The following PPA2 variants were observed in gnomAD, a reference collection of about 807,000 sequenced individuals.
PPA2 encodes the protein inorganic pyrophosphatase 2, mitochondrial.
PPA2 carries 48 observed loss-of-function variants against 49.5 expected under a neutral mutation model. The ratio of observed to expected loss-of-function variants is 0.97; its 90% CI spans 0.77 to 1.23. The LOEUF is 1.23. Among genes scored for constraint, PPA2 ranks in the 50% most tolerant of loss-of-function variants. PPA2 has a pLI of 0.00. For missense variants in PPA2, 429 were observed against 410.1 expected (o/e 1.05, Z -0.40); for synonymous variants, 131 against 139.9 (o/e 0.94, Z 0.45).
At chr4:105,429,804 C>T (rs952559251) in intron 6 of PPA2, among the ~76,000 whole-genome samples, 1 of 152,120 alleles carries the variant, frequency 6.6e-6, no homozygotes, top group Non-Finnish European at 1.5e-5. Context: ...TAACAAACCA[C>T]ATTTATCGGT....
At chr4:105,408,001 C>A (rs1722563499) in intron 7 of PPA2, among the ~76,000 whole-genome samples, 1 of 151,942 alleles carries the variant, frequency 6.6e-6, no homozygotes, top group African/African-American at 2.4e-5. Context: ...TAATTTATAC[C>A]TCAAAGTGGG....
At chr4:105,444,915 AAAGAT>A (rs1403309563) in intron 5 of PPA2, among the ~76,000 whole-genome samples, 1 of 152,136 alleles carries the variant, frequency 6.6e-6, no homozygotes, top group Non-Finnish European at 1.5e-5. Context: ...ATCTCAACAC[AAAGAT>A]AAGAAGTAGA....
chr4:105,471,337 C>T lies in PPA2; in HGVS notation c.157+2557G>A, dbSNP rs139040142. On this transcript the variant is annotated intron_variant, in intron 1 of 11. Transcript: ENST00000341695. The stretch of plus-strand genomic sequence containing the variant: ...CCTTTCCCCTAATCATCCTGTCTCA[C>T]TCTTTCTACAAAGTTTAACACCAAT... Among the ~76,000 whole-genome samples the T allele has an allele frequency of 1.8e-3, 270 of 152,326 alleles. 2 individuals carry two copies. Among genetic ancestry groups the T allele is most frequent in the Non-Finnish European group, 2.7e-3 (186 of 68,030 alleles).
intron 6 of PPA2, among the ~76,000 whole-genome samples, chr4:105,432,089 T>C (rs1326855694): frequency 6.6e-6 from 1 of 152,244 alleles, no homozygotes; most frequent in African/African-American, 2.4e-5. Context: ...TTTATGTGAA[T>C]TGTACCTCAA....
chr4:105,459,750 T>G (rs912220636), intron 1 of PPA2, among the ~76,000 whole-genome samples: 1 of 152,236 alleles, frequency 6.6e-6, no homozygotes, highest in Non-Finnish European at 1.5e-5. Flanking sequence ...TAAAAAGGAA[T>G]GCACTATTGA....
At chr4:105,466,047 C>A (rs59758094) in intron 1 of PPA2, among the ~76,000 whole-genome samples, 1 of 151,950 alleles carries the variant, frequency 6.6e-6, no homozygotes, top group Non-Finnish European at 1.5e-5. Flanking sequence ...AGGACTGCTG[C>A]AAGAAACTAC....
At chr4:105,407,741 T>C (rs769681499) in intron 7 of PPA2, among the ~76,000 whole-genome samples, 2 of 152,214 alleles carry the variant, frequency 1.3e-5, no homozygotes, top group Admixed American at 6.5e-5. Context: ...TACCCAGCCA[T>C]GTGAATAATC....
chr4:105,449,339 T>C lies in PPA2; in HGVS notation c.321+11A>G, dbSNP rs909405783. On this transcript the variant is annotated intron_variant, in intron 4 of 11. Transcript: ENST00000341695. ...TCATTTCGGTTTCATATTAATAAAG[T>C]ATATCGGTACCTCCATTTTAGCATT... 5.9e-6 allele frequency: 9 copies of C among 1,521,964 alleles called. No homozygotes were observed. The East Asian group carries it at 1.4e-4, about 23-fold the overall frequency. 94.3% of individuals were successfully genotyped at this position (1,521,964 alleles called of 1,614,324 possible). A position where few individuals can be genotyped will look rare whatever the true frequency, so the allele number is the denominator to read the frequency against.
rs558356365 is a variant in PPA2, at chr4:105,462,562, T to C, written c.158-5817A>G. On this transcript the variant is annotated intron_variant, in intron 1 of 11. Coordinates refer to ENST00000341695, the MANE Select transcript of PPA2 (RefSeq NM_176869.3). ...AGTTTTTGTTTATCAATTGTAGAAATTACCTACTGATTCCAATTCTGAGAG... is the reference window on the plus strand; with the variant it reads ...AGTTTTTGTTTATCAATTGTAGAAACTACCTACTGATTCCAATTCTGAGAG... 1.4e-4 allele frequency among the ~76,000 whole-genome samples: 21 copies of C among 152,338 alleles called. No individual in the cohort carries two copies. In the South Asian group the frequency reaches 1.7e-3, roughly 12 times the overall value.
intron 6 of PPA2, among the ~76,000 whole-genome samples, chr4:105,429,812 G>A (rs145326325): frequency 2.2e-4 from 33 of 152,130 alleles, no homozygotes; most frequent in African/African-American, 7.0e-4. Context: ...CACATTTATC[G>A]GTTACTAGTG....
At chr4:105,419,199 C>G (rs904124274) in intron 7 of PPA2, among the ~76,000 whole-genome samples, 2 of 152,052 alleles carry the variant, frequency 1.3e-5, no homozygotes, top group Non-Finnish European at 2.9e-5. Flanking sequence ...GGTACATATG[C>G]ACAATGTGCA....
At chr4:105,456,378 T>C in intron 2 of PPA2, 1 of 432,536 alleles carries the variant, frequency 2.3e-6, no homozygotes, top group East Asian at 5.9e-5. Flanking sequence ...CCACAAACGT[T>C]AGCTGATTAT....
intron 1 of PPA2, among the ~76,000 whole-genome samples, chr4:105,457,646 T>G (rs926680687): frequency 2.0e-5 from 3 of 152,122 alleles, no homozygotes; most frequent in African/African-American, 7.2e-5. Context: ...TGATCATGGC[T>G]CACTGCAGCC....
chr4:105,473,577 G>A (rs533565752), intron 1 of PPA2: 1 of 556,652 alleles, frequency 1.8e-6, no homozygotes, highest in Non-Finnish European at 3.4e-6. Context: ...AGGCCGCCGC[G>A]GGGTGGCCGC....
intron 7 of PPA2, among the ~76,000 whole-genome samples, chr4:105,400,703 A>G (rs1327605552): frequency 6.6e-6 from 1 of 152,172 alleles, no homozygotes; most frequent in Non-Finnish European, 1.5e-5. Flanking sequence ...CTTCCACTGT[A>G]TATAACTTTT....
intron 6 of PPA2, among the ~76,000 whole-genome samples, chr4:105,435,501 A>G (rs1305039129): frequency 6.6e-6 from 1 of 152,120 alleles, no homozygotes; most frequent in Non-Finnish European, 1.5e-5. Context: ...GATTCATAAA[A>G]AAACTACTAC....
intron 1 of PPA2, 76 bp downstream of exon 1, chr4:105,473,817 TC>T (rs1723642518): frequency 6.5e-7 from 1 of 1,535,530 alleles, no homozygotes; most frequent in East Asian, 2.3e-5. Flanking sequence ...GCGCGGGGCG[TC>T]CCAAGTGTCC....
chr4:105,370,590 G>GA (rs34420247), intron 11 of PPA2: 67 of 965,468 alleles, frequency 6.9e-5, no homozygotes, highest in East Asian at 1.2e-4. Context: ...GTACTTCAGC[G>GA]AAAAAAAAAG....
At chr4:105,451,326 T>G (rs536382887) in intron 3 of PPA2, among the ~76,000 whole-genome samples, 13 of 152,312 alleles carry the variant, frequency 8.5e-5, no homozygotes, top group African/African-American at 3.1e-4. Flanking sequence ...ATAAAAGTAA[T>G]GATGATTTAT....
Sources: allele counts gnomAD v4.1 joint callset (sites outside exome capture counted in the v4.1 genomes callset), GRCh38; gene constraint gnomAD v4.1.1; transcripts MANE v1.5; gene names NCBI Gene and HGNC (gene_info 2026-07-23, HGNC 2026-07-21).